The following FTCDNL1 variants were observed in gnomAD, a reference collection of about 807,000 sequenced individuals.
FTCDNL1 encodes formiminotransferase cyclodeaminase N-terminal like, also known as formiminotransferase N-terminal subdomain-containing protein.
Under a neutral mutation model 5.9 loss-of-function variants are expected in FTCDNL1, and 11 were observed. The ratio of observed to expected loss-of-function variants is 1.87; its 90% CI spans 1.18 to 3.10. The LOEUF (loss-of-function observed/expected upper bound fraction) is 3.10. Among genes scored for constraint, FTCDNL1 ranks in the 30% most tolerant of loss-of-function variants. The pLI is 0.00. For synonymous variants in FTCDNL1, 58 were observed against 24.8 expected (o/e 2.34, Z -3.99); for missense variants, 115 against 65.5 (o/e 1.76, Z -2.61).
intron 3 of FTCDNL1, among the ~76,000 whole-genome samples, chr2:199,832,223 G>T (rs1702418963): frequency 1.3e-5 from 2 of 152,228 alleles, no homozygotes; most frequent in Non-Finnish European, 1.5e-5. Context: ...TTCATTTAAA[G>T]AATTATACTT....
At chr2:199,765,006 T>C (rs1217669710) in intron 3 of FTCDNL1, among the ~76,000 whole-genome samples, 1 of 152,108 alleles carries the variant, frequency 6.6e-6, no homozygotes, top group Non-Finnish European at 1.5e-5. Flanking sequence ...AGCCCACAAC[T>C]AGGACCTGAG....
chr2:199,735,731 G>A, the FTCDNL1 span, among the ~76,000 whole-genome samples: 10 of 152,264 alleles, frequency 6.6e-5, no homozygotes, highest in East Asian at 1.5e-3. Flanking sequence ...TGTTCTTCTC[G>A]CACTAAGGCT....
chr2:199,782,877 C>T (rs1330495158), intron 3 of FTCDNL1, among the ~76,000 whole-genome samples: 1 of 152,170 alleles, frequency 6.6e-6, no homozygotes. Flanking sequence ...TAGTGGCTTC[C>T]ATGTCTAAAA....
the FTCDNL1 span, among the ~76,000 whole-genome samples, chr2:199,682,698 A>G: frequency 4.6e-5 from 7 of 152,236 alleles, no homozygotes; most frequent in Non-Finnish European, 8.8e-5. Context: ...AACAATATGC[A>G]GGAAGGTATT....
intron 3 of FTCDNL1, among the ~76,000 whole-genome samples, chr2:199,821,868 TA>T (rs1701714059): frequency 6.6e-6 from 1 of 152,204 alleles, no homozygotes; most frequent in African/African-American, 2.4e-5. Context: ...ATTTTAGCCC[TA>T]AGTGATTTCT....
the FTCDNL1 span, among the ~76,000 whole-genome samples, chr2:199,710,671 T>C: frequency 6.6e-6 from 1 of 152,350 alleles, no homozygotes; most frequent in East Asian, 1.9e-4. Context: ...TCCTTCACTA[T>C]CTAGCTGTGC....
intron 3 of FTCDNL1, among the ~76,000 whole-genome samples, chr2:199,791,789 A>G (rs978522743): frequency 6.6e-6 from 1 of 152,174 alleles, no homozygotes; most frequent in Non-Finnish European, 1.5e-5. Flanking sequence ...TTGATGGTGC[A>G]GTACAAAGTG....
chr2:199,755,478 C>T, the FTCDNL1 span, among the ~76,000 whole-genome samples: 4 of 152,158 alleles, frequency 2.6e-5, no homozygotes, highest in African/African-American at 9.7e-5. Flanking sequence ...CTAGGTTCAC[C>T]ATTTATGTGA....
intron 3 of FTCDNL1, among the ~76,000 whole-genome samples, chr2:199,820,591 A>C (rs1250346057): frequency 6.6e-6 from 1 of 152,358 alleles, no homozygotes; most frequent in East Asian, 1.9e-4. Context: ...AGAAAGTTCT[A>C]TTGGACAGCT....
At chr2:199,770,869 A>C (rs548049298) in intron 3 of FTCDNL1, among the ~76,000 whole-genome samples, 1 of 152,218 alleles carries the variant, frequency 6.6e-6, no homozygotes, top group African/African-American at 2.4e-5. Context: ...CTGTCCTACA[A>C]GGAGCACCTG....
At chr2:199,701,720 A>G in the FTCDNL1 span, among the ~76,000 whole-genome samples, 1 of 152,198 alleles carries the variant, frequency 6.6e-6, no homozygotes, top group African/African-American at 2.4e-5. Context: ...AAAACCAAAT[A>G]CTGCATGTTC....
chr2:199,712,045 TTAGAGGTAAAAGTACCCCTACCTTCAAGG>T, the FTCDNL1 span, among the ~76,000 whole-genome samples: 1 of 151,978 alleles, frequency 6.6e-6, no homozygotes, highest in Non-Finnish European at 1.5e-5. Context: ...CTATGCAGAT[TTAGAGGTAAAAGTACCCCTACCTTCAAGG>T]TAGAGGTACT....
chr2:199,754,457 C>T, the FTCDNL1 span, among the ~76,000 whole-genome samples: 1 of 152,114 alleles, frequency 6.6e-6, no homozygotes, highest in African/African-American at 2.4e-5. Flanking sequence ...TGGGAGGAGT[C>T]TAGTCTTTAA....
At chr2:199,750,280 C>A in the FTCDNL1 span, among the ~76,000 whole-genome samples, 1 of 151,762 alleles carries the variant, frequency 6.6e-6, no homozygotes, top group Non-Finnish European at 1.5e-5. Context: ...ATTGCTAGAG[C>A]CTGAGAGGTG....
the FTCDNL1 span, among the ~76,000 whole-genome samples, chr2:199,730,069 T>G: frequency 6.6e-6 from 1 of 152,168 alleles, no homozygotes; most frequent in African/African-American, 2.4e-5. Context: ...CCATCTGATC[T>G]TCCACAAACC....
At chr2:199,792,214 C>G (rs1010514426) in intron 3 of FTCDNL1, among the ~76,000 whole-genome samples, 2 of 152,036 alleles carry the variant, frequency 1.3e-5, no homozygotes, top group Admixed American at 1.3e-4. Context: ...TATGAAGCCC[C>G]AAAGCAACTG....
chr2:199,819,043 C>G (rs535570574), intron 4 of FTCDNL1: 6 of 152,806 alleles, frequency 3.9e-5, no homozygotes, highest in African/African-American at 1.4e-4. Flanking sequence ...TTTTTCCAGT[C>G]TTTGGTCTCT....
chr2:199,752,378 C>T, the FTCDNL1 span, among the ~76,000 whole-genome samples: 1 of 152,236 alleles, frequency 6.6e-6, no homozygotes, highest in Non-Finnish European at 1.5e-5. Flanking sequence ...CTTGGCTTGG[C>T]TGCAGTGCCC....
chr2:199,752,640 A>G, the FTCDNL1 span, among the ~76,000 whole-genome samples: 2 of 152,054 alleles, frequency 1.3e-5, no homozygotes, highest in African/African-American at 4.8e-5. Flanking sequence ...TGGACTTGCC[A>G]GCCCCCATAA....
Sources: allele counts gnomAD v4.1 joint callset (sites outside exome capture counted in the v4.1 genomes callset), GRCh38; gene constraint gnomAD v4.1.1; transcripts MANE v1.5; gene names NCBI Gene and HGNC (gene_info 2026-07-23, HGNC 2026-07-21).